The following TRPV1 variants were observed in gnomAD, a reference collection of about 807,000 sequenced individuals.
TRPV1 encodes the protein OTRPC1.
A neutral mutation model predicts 82.3 loss-of-function variants in TRPV1; 82 were observed. The ratio of observed to expected loss-of-function variants is 1.00; its 90% CI spans 0.83 to 1.20. The LOEUF is 1.20. Among genes scored for constraint, TRPV1 ranks in the 50% most tolerant of loss-of-function variants. TRPV1 has a pLI of 0.00. For missense variants in TRPV1, 1,067 were observed against 1,096.8 expected (o/e 0.97, Z 0.38); for synonymous variants, 515 against 467.7 (o/e 1.10, Z -1.30).
chr17:3,592,718 T>A, intron 2 of TRPV1: 1 of 242,604 alleles, frequency 4.1e-6, no homozygotes, highest in Non-Finnish European at 8.0e-6. Context: ...CTCTGCAGGG[T>A]GAGGTTGATA....
At chr17:3,589,576 G>A (rs754943058) in intron 7 of TRPV1, among the ~76,000 whole-genome samples, 2 of 152,100 alleles carry the variant, frequency 1.3e-5, no homozygotes, top group Non-Finnish European at 2.9e-5. Flanking sequence ...CCCATGTCTT[G>A]TTGCTGATAC....
intron 14 of TRPV1, 81 bp downstream of exon 14, chr17:3,573,552 T>A: frequency 3.3e-3 from 42 of 12,622 alleles, no homozygotes; most frequent in African/African-American, 0.014. Context: ...CCCACCCACC[T>A]GCAGCCAGCT....
chr17:3,580,740 G>A (rs2074997010), intron 10 of TRPV1, among the ~76,000 whole-genome samples: 2 of 152,336 alleles, frequency 1.3e-5, no homozygotes, highest in South Asian at 2.1e-4. Flanking sequence ...GTGGAAGCCG[G>A]GCATGGTGGC....
chr17:3,605,703 G>C (rs1343022039), intron 2 of TRPV1, among the ~76,000 whole-genome samples: 1 of 152,124 alleles, frequency 6.6e-6, no homozygotes, highest in African/African-American at 2.4e-5. Context: ...GTCATTGTCT[G>C]TGTCTTTTTC....
At position 3,580,480 on chromosome 17, in the gene TRPV1, C is replaced by T. The variant is rs776459161; in HGVS notation, c.1524G>A (p.Val508=). 12 of 1,614,040 alleles carry T rather than the reference C, an allele frequency of 7.4e-6. No homozygotes were observed. In the East Asian group the frequency reaches 2.5e-4, roughly 33 times the overall value. ...ACAAAAGCATCTCACTGTAGCTGTC[C>T]ACAAACAGGGTCTTCATCGACGGCC... ...QRRPSMKTLF[V]DSYSEMLFFL... The change falls in exon 11 of 17, where the codon GTG becomes GTA. Residue 508 remains valine (V), a synonymous_variant. Transcript: ENST00000572705.
chr17:3,582,014 C>A (rs1251625835), intron 10 of TRPV1, among the ~76,000 whole-genome samples: 57 of 144,212 alleles, frequency 4.0e-4, no homozygotes, highest in Non-Finnish European at 4.8e-4. Flanking sequence ...CACGGTGAAA[C>A]CCCGTCTCTA....
chr17:3,598,563 C>T lies in TRPV1; in HGVS notation c.-33-6180G>A, dbSNP rs2075238546. Reference sequence around the variant, plus strand: ...CCCCACCATACCCCTCGCTTAGTCACTTTTTTTTTTTTTTTTTTTTTAGAT... The same window carrying T: ...CCCCACCATACCCCTCGCTTAGTCATTTTTTTTTTTTTTTTTTTTTTAGAT... On this transcript the variant is annotated intron_variant, in intron 2 of 16. Coordinates refer to ENST00000572705, the MANE Select transcript of TRPV1 (RefSeq NM_080704.4). 2.6e-5 allele frequency among the ~76,000 whole-genome samples: 3 copies of T among 116,790 alleles called. No homozygotes were observed. In the Admixed American group the frequency reaches 2.7e-4, roughly 11 times the overall value. 76.6% of individuals were successfully genotyped at this position (116,790 alleles called of 152,430 possible).
chr17:3,575,081 A>G (rs531289919), intron 13 of TRPV1, among the ~76,000 whole-genome samples: 57 of 152,084 alleles, frequency 3.7e-4, no homozygotes, highest in African/African-American at 1.4e-3. Flanking sequence ...AAAACAAAAG[A>G]CTCCATGAGG....
At chr17:3,580,742 CAT>C (rs1567663848) in intron 10 of TRPV1, among the ~76,000 whole-genome samples, 7 of 152,206 alleles carry the variant, frequency 4.6e-5, no homozygotes, top group African/African-American at 1.7e-4. Flanking sequence ...GGAAGCCGGG[CAT>C]GGTGGCTCAC....
intron 11 of TRPV1, 39 bp from the exon 12 acceptor site, chr17:3,577,802 C>G (rs1347495507): frequency 3.8e-6 from 6 of 1,560,544 alleles, no homozygotes; most frequent in Non-Finnish European, 5.2e-6. Flanking sequence ...CTACGGGAAC[C>G]CAGGAGGCCT....
intron 3 of TRPV1, 90 bp downstream of exon 3, chr17:3,591,977 G>A (rs2075163948): frequency 6.7e-7 from 1 of 1,498,282 alleles, no homozygotes; most frequent in Non-Finnish European, 8.9e-7. Flanking sequence ...CTGGCTTTGT[G>A]ACATTTAGCC....
At chr17:3,597,921 C>G (rs1490035521) in intron 2 of TRPV1, among the ~76,000 whole-genome samples, 1 of 152,180 alleles carries the variant, frequency 6.6e-6, no homozygotes, top group African/African-American at 2.4e-5. Flanking sequence ...ATCCACCTGC[C>G]TCGGCCTCCC....
rs1396524404 is a variant in TRPV1 at position 3,606,289 on chromosome 17, T to A, written c.-34+2138A>T. Among the ~76,000 whole-genome samples the A allele has an allele frequency of 3.3e-5, 5 of 152,162 alleles. No homozygotes were observed. The East Asian group carries it at 9.6e-4, about 29-fold the overall frequency. Reference sequence around the variant, plus strand: ...GCTTACTTCTCTGTCCCACTGCACGTCCCTCGCTGGTTGGTGAGAACTCTA... The same window carrying A: ...GCTTACTTCTCTGTCCCACTGCACGACCCTCGCTGGTTGGTGAGAACTCTA... On this transcript the variant is annotated intron_variant, in intron 2 of 16. Transcript: ENST00000572705.
Position 3,577,167 on chromosome 17 carries a change from A to G in TRPV1, c.1739T>C (p.Phe580Ser). 6.3e-7 allele frequency: 1 copy of G among 1,586,990 alleles called. No homozygotes were observed. The highest frequency in any genetic ancestry group is 8.6e-7 in the Non-Finnish European group (1 of 1,167,016). The change falls in exon 13 of 17, where the codon TTC (phenylalanine) becomes TCC (serine). Residue 580 changes from phenylalanine (F) to serine (S), a missense_variant. By Grantham distance (155) the Phe-to-Ser change is radical. Coordinates refer to ENST00000572705, the MANE Select transcript of TRPV1 (RefSeq NM_080704.4). ...CAAGAAGACGATGTAGACAAACATG[A>G]AACGGCACAGGTCTCTCAGGATCAT... ...EKMILRDLCRFMFVYIVFLFG... is the reference protein window; with the variant it reads ...EKMILRDLCRSMFVYIVFLFG...
Position 3,573,832 on chromosome 17 carries a change from C to T in TRPV1, c.1904G>A (p.Cys635Tyr). 3.7e-6 allele frequency: 6 copies of T among 1,613,672 alleles called. No homozygotes were observed. The highest frequency in any genetic ancestry group is 5.1e-6 in the Non-Finnish European group (6 of 1,179,852). Residue 635 changes from cysteine (C) to tyrosine (Y), a missense_variant, in exon 14 of 17, where the codon TGC becomes TAC. Cys to Tyr is a radical substitution (Grantham distance 194, BLOSUM62 -2). Coordinates refer to ENST00000572705, the MANE Select transcript of TRPV1 (RefSeq NM_080704.4). ...GATGGTGAACTTGAACAGCTCCAGG[C>T]AGGTGGAGTACAGGCTGTTGTAGGA... ...DSSYNSLYST[C>Y]LELFKFTIGM...
intron 8 of TRPV1, 121 bp from the exon 9 acceptor site, chr17:3,586,047 G>A (rs2075081606): frequency 7.6e-7 from 1 of 1,317,982 alleles, no homozygotes. Context: ...CACGGAGCAG[G>A]TGAGATGGGA....
chr17:3,568,984 G>A (rs1056676691), intron 16 of TRPV1, among the ~76,000 whole-genome samples: 1 of 152,154 alleles, frequency 6.6e-6, no homozygotes, highest in African/African-American at 2.4e-5. Context: ...GGGTGAAGCT[G>A]GAAACCATCA....
rs766788776 is a variant in TRPV1, at chr17:3,591,028, G to T, written c.540C>A (p.Ile180=). The T allele has an allele frequency of 6.2e-7, 1 of 1,612,312 alleles. No homozygotes were observed. The highest frequency in any genetic ancestry group is 8.5e-7 in the Non-Finnish European group (1 of 1,179,302). ...CCTTCAGGCTGTCCGTTTGCCGCGCGATCTCCAGGAGCAGGGGGATGGTGG... is the reference window on the plus strand; with the variant it reads ...CCTTCAGGCTGTCCGTTTGCCGCGCTATCTCCAGGAGCAGGGGGATGGTGG... ...QNTTIPLLLE[I]ARQTDSLKEL... Residue 180 remains isoleucine, a synonymous_variant, in exon 5 of 17, where the codon ATC becomes ATA. Coordinates refer to ENST00000572705, the MANE Select transcript of TRPV1 (RefSeq NM_080704.4).
In TRPV1 at chr17:3,590,248, C is replaced by T. The variant is rs1449138980; in HGVS notation, c.745+4G>A. Reference sequence around the variant, plus strand: ...GATCAGGGTCTGCCACACTGTCTCCCTACCGAAGTAGAATCCAGGCCGCCC... The same window carrying T: ...GATCAGGGTCTGCCACACTGTCTCCTTACCGAAGTAGAATCCAGGCCGCCC... On this transcript the variant is annotated splice_donor_region_variant and intron_variant, in intron 6 of 16. Coordinates refer to ENST00000572705, the MANE Select transcript of TRPV1 (RefSeq NM_080704.4). 1.2e-6 allele frequency: 2 copies of T among 1,613,596 alleles called. No individual in the cohort carries two copies. Among genetic ancestry groups the T allele is most frequent in the Non-Finnish European group, 1.7e-6 (2 of 1,179,752 alleles).
Sources: allele counts gnomAD v4.1 joint callset (sites outside exome capture counted in the v4.1 genomes callset), GRCh38; gene constraint gnomAD v4.1.1; transcripts MANE v1.5; gene names NCBI Gene and HGNC (gene_info 2026-07-23, HGNC 2026-07-21).